STAT4: variants seen among roughly 807,000 people sequenced by gnomAD.
The protein encoded by STAT4 is signal transducer and activator of transcription 4.
In STAT4, 42 loss-of-function variants were observed where a neutral mutation model predicts 110.5. That is an observed-to-expected ratio of 0.38 (90% confidence interval 0.30 to 0.49). The LOEUF is 0.49. Ranked by LOEUF, STAT4 falls within the 20% of genes least tolerant of loss-of-function variation. The pLI is 0.95. For synonymous variants in STAT4, 284 were observed against 302.2 expected (o/e 0.94, Z 0.63); for missense variants, 632 against 887.9 (o/e 0.71, Z 3.66).
At chr2:191,097,530 T>C (rs1698026873) in intron 3 of STAT4, among the ~76,000 whole-genome samples, 1 of 152,222 alleles carries the variant, frequency 6.6e-6, no homozygotes, top group Non-Finnish European at 1.5e-5. Context: ...AAGGATTCCC[T>C]ATTTAATAAA....
chr2:191,126,538 T>A (rs1408534575), intron 3 of STAT4, among the ~76,000 whole-genome samples: 1 of 152,220 alleles, frequency 6.6e-6, no homozygotes, highest in Non-Finnish European at 1.5e-5. Context: ...TCTACCAGCA[T>A]CTGTATCTCC....
In STAT4 at chr2:191,042,117, G is replaced by A. The variant is rs970176400; in HGVS notation, c.1252-969C>T. 2.0e-5 allele frequency among the ~76,000 whole-genome samples: 3 copies of A among 152,058 alleles called. No individual in the cohort carries two copies. The highest frequency in any genetic ancestry group is 4.8e-5 in the African/African-American group (2 of 41,396). ...GCTACTGCCTTCTATACCCAACACC[G>A]TCCTCCAACACCCCTTTGAAACAGC... On this transcript the variant is annotated intron_variant, in intron 14 of 23. Transcript: ENST00000392320. The surrounding 1 kb of genome is among the most constrained non-coding windows in gnomAD (Gnocchi z 4.2).
rs530611067 is a variant in STAT4, at chr2:191,144,568, G to A, written c.273+2045C>T. ...CCAATTAACACATGCAGATGAGTTTGTGCTCGAGCTGAAGCGTGACTGGGG... is the reference window on the plus strand; with the variant it reads ...CCAATTAACACATGCAGATGAGTTTATGCTCGAGCTGAAGCGTGACTGGGG... On this transcript the variant is annotated intron_variant, in intron 3 of 23. Transcript: ENST00000392320. This position sits in a 1 kb window ranked among gnomAD's most constrained non-coding sequence, Gnocchi z 4.7. 3.2e-4 allele frequency among the ~76,000 whole-genome samples: 48 copies of A among 151,296 alleles called. No homozygotes were observed. The highest frequency in any genetic ancestry group is 1.2e-3 in the African/African-American group (48 of 41,254).
chr2:191,148,081 T>C lies in STAT4; in HGVS notation c.123A>G (p.Gln41=). Residue 41 remains glutamine (Q), a synonymous_variant, in exon 2 of 24, where the codon CAA becomes CAG. Coordinates refer to ENST00000392320, the MANE Select transcript of STAT4 (RefSeq NM_003151.4). ...RHLLAQWIEN[Q]DWEAASNNET... ...GAAAATATGTTTGATCCTACCAGTC[T>C]TGATTTTCAATCCATTGGGCCAACA... is the stretch of plus-strand genomic sequence containing the variant. 6.2e-7 allele frequency: 1 copy of C among 1,613,820 alleles called. No homozygotes were observed. The highest frequency in any genetic ancestry group is 8.5e-7 in the Non-Finnish European group (1 of 1,179,774).
chr2:191,135,480 G>C lies in STAT4; in HGVS notation c.273+11133C>G, dbSNP rs1699156001. Among the ~76,000 whole-genome samples the C allele has an allele frequency of 1.3e-5, 2 of 152,098 alleles. No homozygotes were observed. The highest frequency in any genetic ancestry group is 4.8e-5 in the African/African-American group (2 of 41,428). ...TGTTGTTGTTGTTGTTATTGTTTTT[G>C]TTTGTTTGTTTGAGATGGAGTCTCA... On this transcript the variant is annotated intron_variant, in intron 3 of 23. Transcript: ENST00000392320. The surrounding 1 kb of genome is among the most constrained non-coding windows in gnomAD (Gnocchi z 4.8).
chr2:191,034,166 T>C (rs185849322), intron 18 of STAT4, among the ~76,000 whole-genome samples, 161 bp from the exon 19 acceptor site: 28 of 152,352 alleles, frequency 1.8e-4, no homozygotes, highest in Admixed American at 6.5e-4. Context: ...CTCATGCCTG[T>C]AATCCCAGCA....
intron 4 of STAT4, among the ~76,000 whole-genome samples, chr2:191,073,862 A>T (rs1483872905): frequency 6.6e-6 from 1 of 152,160 alleles, no homozygotes; most frequent in African/African-American, 2.4e-5. Context: ...TATACACCAA[A>T]ATCTTACCAA....
At chr2:191,063,307 A>G (rs1430350904) in intron 8 of STAT4, among the ~76,000 whole-genome samples, 1 of 152,236 alleles carries the variant, frequency 6.6e-6, no homozygotes, top group African/African-American at 2.4e-5. Context: ...GCCATAAAAA[A>G]ATGCCATGAT....
chr2:191,072,854 A>C (rs1697206530), intron 5 of STAT4, among the ~76,000 whole-genome samples: 1 of 152,224 alleles, frequency 6.6e-6, no homozygotes, highest in Admixed American at 6.5e-5. Context: ...ACAAATTACC[A>C]AAGCTCATTC....
intron 14 of STAT4, among the ~76,000 whole-genome samples, chr2:191,049,300 GAGTAGCTGGGACTAC>G: frequency 6.7e-6 from 1 of 149,722 alleles, no homozygotes; most frequent in East Asian, 2.0e-4. Context: ...TCAGCCTCCT[GAGTAGCTGGGACTAC>G]AGGCAACCCG....
rs1468484764 is a variant in STAT4 at position 191,112,031 on chromosome 2, G to C, written c.273+34582C>G. 6.6e-6 allele frequency among the ~76,000 whole-genome samples: 1 copy of C among 152,140 alleles called. No individual in the cohort carries two copies. Among genetic ancestry groups the C allele is most frequent in the African/African-American group, 2.4e-5 (1 of 41,420 alleles). Reference sequence around the variant, plus strand: ...GGAAGGGACATGAGGAAACTTTCAAGGGTGCTGGATATTTTTATTATCTTG... The same window carrying C: ...GGAAGGGACATGAGGAAACTTTCAACGGTGCTGGATATTTTTATTATCTTG... On this transcript the variant is annotated intron_variant, in intron 3 of 23. Transcript: ENST00000392320. This position sits in a 1 kb window ranked among gnomAD's most constrained non-coding sequence, Gnocchi z 4.3.
chr2:191,139,699 A>G (rs539434180), intron 3 of STAT4, among the ~76,000 whole-genome samples: 2 of 152,312 alleles, frequency 1.3e-5, no homozygotes, highest in East Asian at 3.9e-4. Context: ...TACAGATTCA[A>G]TGCAATTTCC....
chr2:191,131,801 C>T, intron 3 of STAT4: 2 of 1,366,974 alleles, frequency 1.5e-6, no homozygotes, highest in Middle Eastern at 1.9e-4. Flanking sequence ...CTGAATGTCC[C>T]AGGTGAAGAA....
rs1356413880 is a variant in STAT4 at position 191,062,799 on chromosome 2, C to A, written c.904G>T (p.Glu302Ter). ...TTGTAGATCAAGAAGGTGACTCTTT[C>A]TAGCATGTGAGTTCTTTGCATTGGA... ...PIPMQRTHMLERVTFLIYNLF... is the reference protein window; with the variant it reads ...PIPMQRTHML Residue 302 changes from glutamate to a stop codon, truncating the protein, a stop_gained, in exon 9 of 24, where the codon GAA becomes TAA. Coordinates refer to ENST00000392320, the MANE Select transcript of STAT4 (RefSeq NM_003151.4). LOFTEE classifies it high-confidence loss of function. The surrounding 1 kb of genome is among the most constrained non-coding windows in gnomAD (Gnocchi z 4.9). The A allele has an allele frequency of 6.2e-7, 1 of 1,613,916 alleles. No homozygotes were observed. The highest frequency in any genetic ancestry group is 8.5e-7 in the Non-Finnish European group (1 of 1,179,888).
Position 191,110,773 on chromosome 2 carries a change from A to G in STAT4, c.274-34448T>C, listed in dbSNP as rs1430841599. Among the ~76,000 whole-genome samples the G allele has an allele frequency of 2.0e-5, 3 of 152,018 alleles. No individual in the cohort carries two copies. The highest frequency in any genetic ancestry group is 4.4e-5 in the Non-Finnish European group (3 of 67,996). ...CTACATTGAATTATATTTTATTTTTAAATTTTTGTTTGTTTGTTTGTTTGT... is the reference window on the plus strand; with the variant it reads ...CTACATTGAATTATATTTTATTTTTGAATTTTTGTTTGTTTGTTTGTTTGT... On this transcript the variant is annotated intron_variant, in intron 3 of 23. Transcript: ENST00000392320. The surrounding 1 kb of genome is among the most constrained non-coding windows in gnomAD (Gnocchi z 4.5).
rs200243567 is a variant in STAT4 at position 191,072,302 on chromosome 2, A to G, written c.465+796T>C. Among the ~76,000 whole-genome samples, 15 of 152,306 alleles carry G rather than the reference A, an allele frequency of 9.8e-5. No homozygotes were observed. In the East Asian group the frequency reaches 1.7e-3, roughly 18 times the overall value. ...ATTAATAATGGTAGATTATTAATCT[A>G]CACACTTGCAGAGTGAGTAGAGCCA... On this transcript the variant is annotated intron_variant, in intron 5 of 23. Coordinates refer to ENST00000392320, the MANE Select transcript of STAT4 (RefSeq NM_003151.4).
chr2:191,037,281 T>A lies in STAT4; in HGVS notation c.1435-982A>T, dbSNP rs967133978. On this transcript the variant is annotated intron_variant, in intron 16 of 23. Transcript: ENST00000392320. The surrounding 1 kb of genome is among the most constrained non-coding windows in gnomAD (Gnocchi z 4.8). Reference sequence around the variant, plus strand: ...TGATTAACCTCAAATACCTATTTTATGGACACCATAGTAGTCTTTTCTTAT... The same window carrying A: ...TGATTAACCTCAAATACCTATTTTAAGGACACCATAGTAGTCTTTTCTTAT... 6.6e-6 allele frequency among the ~76,000 whole-genome samples: 1 copy of A among 152,152 alleles called. No homozygotes were observed. The highest frequency in any genetic ancestry group is 1.5e-5 in the Non-Finnish European group (1 of 68,022).
Position 191,050,644 on chromosome 2 carries a change from T to C in STAT4, c.1251+3846A>G, listed in dbSNP as rs971635199. ...CTTGAAAGTAAACTTCCCACCAGAG[T>C]TTCCATCTGTAAATATATAAAATAA... is the stretch of plus-strand genomic sequence containing the variant. On this transcript the variant is annotated intron_variant, in intron 14 of 23. Coordinates refer to ENST00000392320, the MANE Select transcript of STAT4 (RefSeq NM_003151.4). This position sits in a 1 kb window ranked among gnomAD's most constrained non-coding sequence, Gnocchi z 4.3. Among the ~76,000 whole-genome samples the C allele has an allele frequency of 6.6e-6, 1 of 151,638 alleles. No homozygotes were observed. Among genetic ancestry groups the C allele is most frequent in the South Asian group, 2.1e-4 (1 of 4,810 alleles).
chr2:191,035,043 T>C lies in STAT4; in HGVS notation c.1571-446A>G, dbSNP rs983303364. Among the ~76,000 whole-genome samples the C allele has an allele frequency of 3.9e-5, 6 of 152,196 alleles. No homozygotes were observed. The highest frequency in any genetic ancestry group is 1.2e-4 in the African/African-American group (5 of 41,444). On this transcript the variant is annotated intron_variant, in intron 17 of 23. Transcript: ENST00000392320. The surrounding 1 kb of genome is among the most constrained non-coding windows in gnomAD (Gnocchi z 4.7). ...AGGTATAGCTAGATTACCAGGAATG[T>C]TGCCTATTAAGATGGAAAGAATGGA...
Sources: gnomAD v4.1 joint callset for allele counts (sites outside exome capture counted in the v4.1 genomes callset) on GRCh38, gnomAD v4.1.1 for gene constraint, Gnocchi (gnomAD v3.1) non-coding constraint, MANE v1.5 for transcripts, NCBI Gene and HGNC (gene_info 2026-07-23, HGNC 2026-07-21) for gene names.